ATRN: variants seen among roughly 807,000 people sequenced by gnomAD.
ATRN encodes the protein attractin-2.
Under a neutral mutation model 178.7 loss-of-function variants are expected in ATRN, and 54 were observed. The observed-to-expected ratio is 0.30, with a 90% CI of 0.24 to 0.38. The LOEUF is 0.38. ATRN is among the 10% of genes least tolerant of loss of function. The pLI, the probability that ATRN is intolerant of heterozygous loss-of-function variation, is 1.00. For missense variants in ATRN, 1,443 were observed against 1,815.1 expected, an observed-to-expected ratio of 0.79 and a Z score of 3.73; for synonymous variants, 636 against 663.0, an observed-to-expected ratio of 0.96 and a Z score of 0.63.
intron 1 of ATRN, among the ~76,000 whole-genome samples, chr20:3,530,853 C>A (rs558863872): frequency 2.0e-5 from 3 of 152,104 alleles, no homozygotes; most frequent in Non-Finnish European, 2.9e-5. Flanking sequence ...AAAGAAATAA[C>A]TATGAGACGA....
At chr20:3,490,938 GC>G in intron 1 of ATRN, 1 of 1,472,130 alleles carries the variant, frequency 6.8e-7, no homozygotes, top group Non-Finnish European at 9.5e-7. Flanking sequence ...CATCTCTTTG[GC>G]CATGACGTCC....
At chr20:3,559,146 T>C (rs2085918219) in intron 6 of ATRN, among the ~76,000 whole-genome samples, 1 of 152,178 alleles carries the variant, frequency 6.6e-6, no homozygotes, top group Non-Finnish European at 1.5e-5. Flanking sequence ...TTTCAGGAAG[T>C]GTTAGAACCT....
intron 24 of ATRN, among the ~76,000 whole-genome samples, chr20:3,618,140 TC>T (rs776024164): frequency 3.9e-5 from 6 of 152,070 alleles, no homozygotes; most frequent in Non-Finnish European, 7.4e-5. Context: ...CATGTCCACT[TC>T]CTATCTGTGG....
intron 25 of ATRN, 119 bp downstream of exon 25, chr20:3,624,691 T>G (rs943062100): frequency 2.5e-6 from 2 of 813,936 alleles, no homozygotes. Flanking sequence ...CAGATTAAAT[T>G]TACTTCATAT....
intron 23 of ATRN, 34 bp from the exon 24 acceptor site, chr20:3,604,071 A>C: frequency 3.2e-6 from 5 of 1,543,940 alleles, no homozygotes; most frequent in Non-Finnish European, 4.3e-6. Flanking sequence ...CCCCCAAAAA[A>C]TGTCTCTTCT....
chr20:3,610,114 T>C (rs984128792), intron 24 of ATRN, among the ~76,000 whole-genome samples: 1 of 152,220 alleles, frequency 6.6e-6, no homozygotes, highest in Non-Finnish European at 1.5e-5. Context: ...AAAGTGATTT[T>C]ATGTTATATC....
intron 21 of ATRN, among the ~76,000 whole-genome samples, chr20:3,597,083 A>G (rs964585848): frequency 6.3e-5 from 2 of 31,624 alleles, no homozygotes; most frequent in East Asian, 0.025. Context: ...TAAAACTTCT[A>G]AAAGAAAACA....
intron 22 of ATRN, among the ~76,000 whole-genome samples, chr20:3,599,456 T>C (rs1225222352): frequency 6.6e-6 from 1 of 152,236 alleles, no homozygotes; most frequent in Non-Finnish European, 1.5e-5. Flanking sequence ...TTACTAGAGT[T>C]ATCCAAATGC....
chr20:3,598,152 A>G (rs1568755073), intron 22 of ATRN, 152 bp downstream of exon 22: 9 of 555,856 alleles, frequency 1.6e-5, no homozygotes, highest in Non-Finnish European at 2.3e-5. Flanking sequence ...GTTAGACTCT[A>G]CGTTATCTCC....
At position 3,493,957 on chromosome 20, in the gene ATRN, C is replaced by T. The variant is rs117911648; in HGVS notation, c.410+22440C>T. Among the ~76,000 whole-genome samples, 480 of 152,006 alleles carry T rather than the reference C, an allele frequency of 3.2e-3. 2 individuals are homozygous for T. Among genetic ancestry groups the T allele is most frequent in the Admixed American group, 5.2e-3 (80 of 15,264 alleles). ...ATATCTATGATGTTTTAGGCACTGGCGAAAAAGAGGTGAATGAGATATGTT... is the reference window on the plus strand; with the variant it reads ...ATATCTATGATGTTTTAGGCACTGGTGAAAAAGAGGTGAATGAGATATGTT... On this transcript the variant is annotated intron_variant, in intron 1 of 28. Transcript: ENST00000262919.
chr20:3,538,544 C>T (rs2085573120), intron 2 of ATRN, among the ~76,000 whole-genome samples: 1 of 152,172 alleles, frequency 6.6e-6, no homozygotes, highest in African/African-American at 2.4e-5. Flanking sequence ...ACACCCTCCT[C>T]CACTGTTTTT....
At chr20:3,592,626 C>A in intron 19 of ATRN, 1 of 392,504 alleles carries the variant, frequency 2.5e-6, no homozygotes, top group Non-Finnish European at 3.5e-6. Flanking sequence ...AGGGAAATCT[C>A]TACCTACTCC....
In ATRN at chr20:3,560,771, C is replaced by T. The variant is rs372236785; in HGVS notation, c.1313C>T (p.Ala438Val). 2.7e-5 allele frequency: 44 copies of T among 1,613,904 alleles called. No individual in the cohort carries two copies. Among genetic ancestry groups the T allele is most frequent in the Non-Finnish European group, 3.6e-5 (43 of 1,180,038 alleles). Residue 438 changes from alanine (A) to valine (V), a missense_variant, in exon 8 of 29, where the codon GCA (alanine) becomes GTA (valine). Transcript: ENST00000262919. Reference protein sequence around the residue: ...NESWVLLTPKAKEQYAVVGHS... With the variant: ...NESWVLLTPKVKEQYAVVGHS... ...TCATGGGTGTTGTTGACCCCTAAGG[C>T]AAAGGAGCAGTATGCAGTGGTTGGG... is the stretch of plus-strand genomic sequence containing the variant.
intron 3 of ATRN, among the ~76,000 whole-genome samples, chr20:3,540,719 T>C (rs1287740030): frequency 1.3e-5 from 2 of 152,216 alleles, no homozygotes; most frequent in Non-Finnish European, 2.9e-5. Flanking sequence ...TCCTTGTGTA[T>C]TGCCCACTGC....
chr20:3,605,780 A>G (rs961853967), intron 24 of ATRN, among the ~76,000 whole-genome samples: 1 of 152,200 alleles, frequency 6.6e-6, no homozygotes, highest in Non-Finnish European at 1.5e-5. Context: ...AGCATCAGGA[A>G]GAATAGCTAG....
chr20:3,572,737 G>A lies in ATRN; in HGVS notation c.1878G>A (p.Met626Ile). The change falls in exon 12 of 29, where the codon ATG (methionine) becomes ATA (isoleucine). Residue 626 changes from methionine to isoleucine, a missense_variant. Transcript: ENST00000262919. ...TCTCCCTTTTTCCTCTTAGCACCAT[G>A]TATGTGTTCGGTGGTTTCAATAGTC... ...GHSAVLHNST[M>I]YVFGGFNSLL... The A allele has an allele frequency of 6.2e-7, 1 of 1,613,462 alleles. No homozygotes were observed. The highest frequency in any genetic ancestry group is 8.5e-7 in the Non-Finnish European group (1 of 1,179,706).
intron 7 of ATRN, among the ~76,000 whole-genome samples, chr20:3,559,880 A>G (rs2085927091): frequency 1.3e-5 from 2 of 152,148 alleles, no homozygotes; most frequent in African/African-American, 2.4e-5. Flanking sequence ...GTCCTTTTAT[A>G]CTATAAAAGA....
intron 18 of ATRN, among the ~76,000 whole-genome samples, chr20:3,585,417 G>T (rs550628141): frequency 5.9e-5 from 9 of 152,292 alleles, no homozygotes; most frequent in Non-Finnish European, 1.2e-4. Flanking sequence ...AACAGAAAAA[G>T]TGGTTATTGG....
chr20:3,628,373 G>C (rs1296174909), intron 25 of ATRN, among the ~76,000 whole-genome samples: 1 of 152,142 alleles, frequency 6.6e-6, no homozygotes, highest in Non-Finnish European at 1.5e-5. Context: ...TTGAGTTTGG[G>C]AACAAGACAG....
Sources: allele counts gnomAD v4.1 joint callset (sites outside exome capture counted in the v4.1 genomes callset), GRCh38; gene constraint gnomAD v4.1.1; transcripts MANE v1.5; gene names NCBI Gene and HGNC (gene_info 2026-07-23, HGNC 2026-07-21).